The following DNAH1 variants were observed in gnomAD, a reference collection of about 807,000 sequenced individuals.
The protein encoded by DNAH1 is axonemal beta dynein heavy chain 1.
DNAH1 carries 327 observed loss-of-function variants against 484.3 expected under a neutral mutation model. That is an observed-to-expected ratio of 0.68 (90% CI 0.62 to 0.74). DNAH1 has a LOEUF of 0.74. DNAH1 is among the 30% of genes least tolerant of loss of function. DNAH1 has a pLI of 0.00. For missense variants in DNAH1, 5,052 were observed against 5,546.8 expected (o/e 0.91, Z 2.83); for synonymous variants, 2,192 against 2,191.9 (o/e 1.00, Z 0.00).
At position 52,381,252 on chromosome 3, in the gene DNAH1, C is replaced by T. The variant is rs1451942625; in HGVS notation, c.7609-388C>T. On this transcript the variant is annotated intron_variant, in intron 48 of 77. Coordinates refer to ENST00000420323, the MANE Select transcript of DNAH1 (RefSeq NM_015512.5). This position sits in a 1 kb window ranked among gnomAD's most constrained non-coding sequence, Gnocchi z 4.1. ...AGTAGCTGGGACCACAGGCACGCAC[C>T]ACCACGCCCAGCTAATTTTTATTTT... Among the ~76,000 whole-genome samples, 1 of 152,132 alleles carries T rather than the reference C, an allele frequency of 6.6e-6. No individual in the cohort carries two copies. The highest frequency in any genetic ancestry group is 1.5e-5 in the Non-Finnish European group (1 of 68,044).
Position 52,375,392 on chromosome 3 carries a change from A to G in DNAH1, c.7138A>G (p.Thr2380Ala). 6.2e-7 allele frequency: 1 copy of G among 1,613,516 alleles called. No individual in the cohort carries two copies. The highest frequency in any genetic ancestry group is 8.5e-7 in the Non-Finnish European group (1 of 1,179,764). Residue 2380 changes from threonine to alanine, a missense_variant, in exon 45 of 78, where the codon ACC (threonine) becomes GCC (alanine). By Grantham distance (58) the Thr-to-Ala change is moderately conservative. Transcript: ENST00000420323. Reference sequence around the variant, plus strand: ...GGTCAGCAAGAAACGCATCTTCTCCACCATCCTGGGCAACTGGTTGGGTGA... The same window carrying G: ...GGTCAGCAAGAAACGCATCTTCTCCGCCATCCTGGGCAACTGGTTGGGTGA... ...DEVSKKRIFS[T>A]ILGNWLDGLL...
At position 52,395,614 on chromosome 3, in the gene DNAH1, G is replaced by A. The variant is rs764347202; in HGVS notation, c.11195G>A (p.Cys3732Tyr). Residue 3732 changes from cysteine (C) to tyrosine (Y), a missense_variant, in exon 70 of 78, where the codon TGC becomes TAC. By Grantham distance (194) the Cys-to-Tyr change is radical (BLOSUM62 -2). Coordinates refer to ENST00000420323, the MANE Select transcript of DNAH1 (RefSeq NM_015512.5). The surrounding 1 kb of genome is among the most constrained non-coding windows in gnomAD (Gnocchi z 4.4). The part of the protein sequence containing the change: ...ERGKWVFFQN[C>Y]HLAPSWMPAL... ...GGCAAATGGGTCTTCTTCCAGAACT[G>A]CCACCTGGCACCAAGCTGGATGCCA... 1 of 1,613,912 alleles carries A rather than the reference G, an allele frequency of 6.2e-7. No homozygotes were observed. The highest frequency in any genetic ancestry group is 1.1e-5 in the South Asian group (1 of 91,090).
chr3:52,318,462 G>C (rs999939235), intron 1 of DNAH1, among the ~76,000 whole-genome samples: 2 of 152,214 alleles, frequency 1.3e-5, no homozygotes, highest in African/African-American at 4.8e-5. Flanking sequence ...TCCTTCTCCA[G>C]ATCCCTACCA....
chr3:52,365,076 C>A, intron 34 of DNAH1, 57 bp downstream of exon 34: 1 of 1,563,138 alleles, frequency 6.4e-7, no homozygotes, highest in South Asian at 1.2e-5. Context: ...CCTTGGAGTC[C>A]AGGTCAGGGG....
chr3:52,398,886 G>T lies in DNAH1; in HGVS notation c.12126G>T (p.Leu4042=), dbSNP rs1381747275. 1.9e-6 allele frequency: 3 copies of T among 1,588,378 alleles called. No homozygotes were observed. The highest frequency in any genetic ancestry group is 2.6e-6 in the Non-Finnish European group (3 of 1,164,560). The change falls in exon 76 of 78, where the codon CTG becomes CTT. Residue 4042 remains leucine, a synonymous_variant. Transcript: ENST00000420323. ...TGCTGCAGGTGATCACACAGACACTGCAAGACCTACTCAAGGCACTCAAGG... is the reference window on the plus strand; with the variant it reads ...TGCTGCAGGTGATCACACAGACACTTCAAGACCTACTCAAGGCACTCAAGG... ...NRLLQVITQT[L]QDLLKALKGL... is the part of the protein sequence containing the mutation.
chr3:52,373,123 A>G (rs1703423338), intron 44 of DNAH1, 70 bp downstream of exon 44: 2 of 1,492,602 alleles, frequency 1.3e-6, no homozygotes, highest in Admixed American at 5.0e-5. Flanking sequence ...GAGGCACAGC[A>G]CTGAAGGCCT....
Position 52,389,521 on chromosome 3 carries a change from C to A in DNAH1, c.9556C>A (p.Pro3186Thr). The A allele has an allele frequency of 6.3e-7, 1 of 1,591,810 alleles. No individual in the cohort carries two copies. Among genetic ancestry groups the A allele is most frequent in the East Asian group, 2.3e-5 (1 of 43,750 alleles). ...CAAGCAGCTCAGGAGCCACAATGTC[C>A]CACACACCTCCGAGCCCACGCTAAT... ...WVKQLRSHNV[P>T]HTSEPTLIGT... The change falls in exon 60 of 78, where the codon CCA becomes ACA. Residue 3186 changes from proline to threonine, a missense_variant. This residue lies in a region of DNAH1 where 2,929 missense variants were observed against 3,409.4 expected (regional missense o/e 0.86). Transcript: ENST00000420323.
chr3:52,337,171 TTG>T (rs375733224), intron 8 of DNAH1, among the ~76,000 whole-genome samples: 6 of 151,912 alleles, frequency 3.9e-5, no homozygotes, highest in Admixed American at 3.9e-4. Context: ...CCTAGGTATT[TTG>T]TGTGTGTGTG....
rs775433731 is a variant in DNAH1 at position 52,392,455 on chromosome 3, C to T, written c.10053-9C>T. The T allele has an allele frequency of 1.2e-6, 2 of 1,612,882 alleles. No individual in the cohort carries two copies. Among genetic ancestry groups the T allele is most frequent in the Admixed American group, 3.3e-5 (2 of 60,022 alleles). ...GTATTACAGACTTGGTGTCCCCTGC[C>T]CCCGGCAGTGGCCTAGAGGACCAGC... On this transcript the variant is annotated splice_polypyrimidine_tract_variant and intron_variant, in intron 63 of 77. Coordinates refer to ENST00000420323, the MANE Select transcript of DNAH1 (RefSeq NM_015512.5).
In DNAH1 at chr3:52,366,537, G is replaced by A. The variant is rs1703082275; in HGVS notation, c.5599G>A (p.Gly1867Ser). ...CATGCTCGTCGGGCCCACAGGCTCC[G>A]GCAAGAGTACTGTAAGCAGAGCCAA... ...GLMLVGPTGSGKSTCYRVLAA... is the reference protein window; with the variant it reads ...GLMLVGPTGSSKSTCYRVLAA... The change falls in exon 35 of 78, where the codon GGC (glycine) becomes AGC (serine). Residue 1867 changes from glycine (G) to serine (S), a missense_variant. By Grantham distance (56) the Gly-to-Ser change is moderately conservative. Transcript: ENST00000420323. 11 of 1,594,810 alleles carry A rather than the reference G, an allele frequency of 6.9e-6. No individual in the cohort carries two copies. Among genetic ancestry groups the A allele is most frequent in the Non-Finnish European group, 8.5e-6 (10 of 1,171,310 alleles).
At chr3:52,366,964 C>G in intron 36 of DNAH1, 77 bp downstream of exon 36, 3 of 1,513,272 alleles carry the variant, frequency 2.0e-6, no homozygotes, top group Middle Eastern at 1.9e-4. Flanking sequence ...TCACCCCTCC[C>G]TCCATTAGCC....
At chr3:52,367,422 G>A (rs534161529) in intron 36 of DNAH1, among the ~76,000 whole-genome samples, 17 of 151,996 alleles carry the variant, frequency 1.1e-4, no homozygotes, top group South Asian at 2.1e-4. Flanking sequence ...AGGGACAGTC[G>A]CCCACCTTCC....
rs764156096 is a variant in DNAH1 at position 52,372,398 on chromosome 3, C to T, written c.6827+11C>T. On this transcript the variant is annotated intron_variant, in intron 43 of 77. Coordinates refer to ENST00000420323, the MANE Select transcript of DNAH1 (RefSeq NM_015512.5). The stretch of plus-strand genomic sequence containing the variant: ...CAAGCTGGACAAGAGGCAGGGCACC[C>T]CTCCCTCCTTCCTCACCCCTGCATC... 4 of 1,612,816 alleles carry T rather than the reference C, an allele frequency of 2.5e-6. No individual in the cohort carries two copies. The highest frequency in any genetic ancestry group is 1.1e-5 in the South Asian group (1 of 91,072).
chr3:52,359,701 C>T (rs1438047905), intron 26 of DNAH1, among the ~76,000 whole-genome samples: 1 of 152,226 alleles, frequency 6.6e-6, no homozygotes, highest in Non-Finnish European at 1.5e-5. Context: ...AGGGTTCAGA[C>T]AGCACGACAT....
rs1416177113 is a variant in DNAH1, at chr3:52,350,583, A to G, written c.2722A>G (p.Asn908Asp). 1.9e-6 allele frequency: 3 copies of G among 1,613,694 alleles called. No individual in the cohort carries two copies. The African/African-American group carries it at 4.0e-5, about 22-fold the overall frequency. ...FLYNLSSDDF[N>D]DKWIASNWPS... Reference sequence around the variant, plus strand: ...CTACAACCTCAGCTCAGATGACTTCAATGACAAGTGAGTGGGAGCTTGGCC... The same window carrying G: ...CTACAACCTCAGCTCAGATGACTTCGATGACAAGTGAGTGGGAGCTTGGCC... The change falls in exon 16 of 78, where the codon AAT becomes GAT. Residue 908 changes from asparagine (N) to aspartate (D), a missense_variant. Physicochemically the swap from Asn to Asp is conservative, Grantham distance 23. This residue lies in a region of DNAH1 where 1,263 missense variants were observed against 1,218.8 expected (regional missense o/e 1.04). Coordinates refer to ENST00000420323, the MANE Select transcript of DNAH1 (RefSeq NM_015512.5).
At position 52,358,859 on chromosome 3, in the gene DNAH1, G is replaced by C; in HGVS notation, c.4266+122G>C. ...AGCCCTGAGGTCCCTGGGGGCTCAG[G>C]CGGGATTCTGGAGTCTTTCCTTTCC... On this transcript the variant is annotated intron_variant, in intron 25 of 77. Coordinates refer to ENST00000420323, the MANE Select transcript of DNAH1 (RefSeq NM_015512.5). This position sits in a 1 kb window ranked among gnomAD's most constrained non-coding sequence, Gnocchi z 4.2. 8.4e-7 allele frequency: 1 copy of C among 1,197,594 alleles called. No individual in the cohort carries two copies. The highest frequency in any genetic ancestry group is 1.4e-5 in the South Asian group (1 of 71,452). The allele number at this position is 1,197,594 out of a possible 1,614,324, so 74.2% of individuals were successfully genotyped here.
intron 1 of DNAH1, among the ~76,000 whole-genome samples, chr3:52,318,730 G>C (rs1701039114): frequency 6.6e-6 from 1 of 152,192 alleles, no homozygotes; most frequent in Non-Finnish European, 1.5e-5. Context: ...CAGTTGTGGA[G>C]GGCAGTTTGC....
At chr3:52,391,381 C>A in intron 62 of DNAH1, 53 bp downstream of exon 62, 1 of 1,590,398 alleles carries the variant, frequency 6.3e-7, no homozygotes, top group African/African-American at 1.3e-5. Context: ...CAGGGCAGTC[C>A]CCTTCCCCTG....
Position 52,322,701 on chromosome 3 carries a change from A to G in DNAH1, c.259A>G (p.Lys87Glu). 6.2e-7 allele frequency: 1 copy of G among 1,613,714 alleles called. No homozygotes were observed. The highest frequency in any genetic ancestry group is 8.5e-7 in the Non-Finnish European group (1 of 1,179,790). ...PRKSPLTGTD[K>E]KYPLMKQRGF... ...GAAGTCACCCCTGACAGGCACTGATAAGAAGTACCCGCTGATGAAGCAGCG... is the reference window on the plus strand; with the variant it reads ...GAAGTCACCCCTGACAGGCACTGATGAGAAGTACCCGCTGATGAAGCAGCG... The change falls in exon 2 of 78, where the codon AAG (lysine) becomes GAG (glutamate). Residue 87 changes from lysine (K) to glutamate (E), a missense_variant. Around this residue, in one of 4 missense-constraint regions of DNAH1, gnomAD observed 1,263 missense variants for 1,218.8 expected, o/e 1.04. Coordinates refer to ENST00000420323, the MANE Select transcript of DNAH1 (RefSeq NM_015512.5).
Sources: allele counts gnomAD v4.1 joint callset (sites outside exome capture counted in the v4.1 genomes callset), GRCh38; gene constraint gnomAD v4.1.1; regional missense constraint gnomAD v4.1.1; non-coding constraint Gnocchi (gnomAD v3.1); transcripts MANE v1.5; gene names NCBI Gene and HGNC (gene_info 2026-07-23, HGNC 2026-07-21).